Variants in HS3ST5 observed in about 807,000 individuals in gnomAD.
HS3ST5 encodes heparan sulfate glucosamine 3-O-sulfotransferase 5.
In HS3ST5, 10 loss-of-function variants were observed where a neutral mutation model predicts 25.4. That is an observed-to-expected ratio of 0.39 (90% CI 0.24 to 0.67). The LOEUF is 0.67. Ranked by LOEUF, HS3ST5 falls within the 30% of genes least tolerant of loss-of-function variation. The probability of loss-of-function intolerance (pLI) is 0.44; values close to 1 mark genes in which losing one functional copy is unlikely to be tolerated. For synonymous variants in HS3ST5, 170 were observed against 162.4 expected (o/e 1.05, Z -0.36); for missense variants, 324 against 420.7 (o/e 0.77, Z 2.01).
In HS3ST5 at chr6:114,057,178, A is replaced by C. The variant is rs749073630; in HGVS notation, c.*79T>G. 9.9e-7 allele frequency: 1 copy of C among 1,011,202 alleles called. No individual in the cohort carries two copies. Among genetic ancestry groups the C allele is most frequent in the Non-Finnish European group, 1.5e-6 (1 of 670,750 alleles). The allele number at this position is 1,011,202 out of a possible 1,614,324, so 62.6% of individuals were successfully genotyped here. A position where few individuals can be genotyped will look rare whatever the true frequency, so the allele number is the denominator to read the frequency against. On this transcript the variant is annotated 3_prime_UTR_variant, in exon 5 of 5. Coordinates refer to ENST00000312719, the MANE Select transcript of HS3ST5 (RefSeq NM_153612.4). ...AAAAATGACTTGGATAGCTCTGCCTAGGAAAAGTGCATATTTTAATCTACA... is the reference window on the plus strand; with the variant it reads ...AAAAATGACTTGGATAGCTCTGCCTCGGAAAAGTGCATATTTTAATCTACA...
chr6:114,142,017 C>T (rs1359607506), intron 3 of HS3ST5, among the ~76,000 whole-genome samples: 1 of 151,948 alleles, frequency 6.6e-6, no homozygotes, highest in East Asian at 1.9e-4. Flanking sequence ...TCATTTCCTA[C>T]AGCTGGTTGT....
At chr6:114,281,940 A>G (rs1275014308) in intron 1 of HS3ST5, 5 of 152,020 alleles carry the variant, frequency 3.3e-5, no homozygotes, top group African/African-American at 1.2e-4. Flanking sequence ...CAAGGTGCTG[A>G]TGAGTCTTGG....
At chr6:114,127,076 C>A (rs539844853) in intron 3 of HS3ST5, among the ~76,000 whole-genome samples, 2 of 151,938 alleles carry the variant, frequency 1.3e-5, no homozygotes, top group Admixed American at 6.6e-5. Context: ...TTTAGTCCTG[C>A]GAGTTCTCCA....
intron 2 of HS3ST5, among the ~76,000 whole-genome samples, chr6:114,198,223 G>A (rs1350054425): frequency 2.0e-5 from 3 of 151,888 alleles, no homozygotes; most frequent in African/African-American, 4.8e-5. Context: ...AATCAACCCA[G>A]TCAGACAAAA....
chr6:114,313,338 C>A (rs1225552451), intron 1 of HS3ST5, among the ~76,000 whole-genome samples: 1 of 152,082 alleles, frequency 6.6e-6, no homozygotes, highest in Non-Finnish European at 1.5e-5. Flanking sequence ...CAGTCCTAGG[C>A]ACTTGCTTAC....
In HS3ST5 at chr6:114,342,597, G is replaced by C. The variant is rs939270179; in HGVS notation, c.-741C>G. 1.3e-5 allele frequency: 2 copies of C among 154,066 alleles called. No individual in the cohort carries two copies. Among genetic ancestry groups the C allele is most frequent in the Non-Finnish European group, 2.9e-5 (2 of 69,136 alleles). 9.5% of individuals were successfully genotyped at this position (154,066 alleles called of 1,614,324 possible). On this transcript the variant is annotated 5_prime_UTR_variant, in exon 1 of 5. Coordinates refer to ENST00000312719, the MANE Select transcript of HS3ST5 (RefSeq NM_153612.4). ...GGGCACGGCACGGGCGGCCGCAGGAGCCGGAGTCCGCGCAGTGCCGGAGAC... is the reference window on the plus strand; with the variant it reads ...GGGCACGGCACGGGCGGCCGCAGGACCCGGAGTCCGCGCAGTGCCGGAGAC...
intron 2 of HS3ST5, among the ~76,000 whole-genome samples, chr6:114,181,225 C>T (rs1002375706): frequency 2.6e-5 from 4 of 152,104 alleles, no homozygotes; most frequent in Non-Finnish European, 4.4e-5. Flanking sequence ...AACTTGAATC[C>T]GATCCCTCTT....
chr6:114,202,092 T>C (rs1299279800), intron 2 of HS3ST5, among the ~76,000 whole-genome samples: 1 of 151,902 alleles, frequency 6.6e-6, no homozygotes, highest in Admixed American at 6.6e-5. Context: ...GACCACCCTA[T>C]TTAAAACTGC....
chr6:114,240,702 A>G (rs1772074684), intron 1 of HS3ST5, among the ~76,000 whole-genome samples: 1 of 152,208 alleles, frequency 6.6e-6, no homozygotes, highest in South Asian at 2.1e-4. Context: ...AGTGTCTAGT[A>G]TGAAAACACA....
intron 3 of HS3ST5, among the ~76,000 whole-genome samples, chr6:114,167,834 G>T (rs1339871763): frequency 6.6e-6 from 1 of 152,170 alleles, no homozygotes; most frequent in South Asian, 2.1e-4. Context: ...CAGAAGTCTG[G>T]AAGAAAGGAA....
intron 3 of HS3ST5, chr6:114,131,081 A>G (rs1360606437): frequency 6.6e-6 from 1 of 152,168 alleles, no homozygotes; most frequent in Non-Finnish European, 1.5e-5. Context: ...TTTGCACTCA[A>G]ATGTTTCACA....
chr6:114,133,339 G>A (rs1190839538), intron 3 of HS3ST5, among the ~76,000 whole-genome samples: 1 of 152,202 alleles, frequency 6.6e-6, no homozygotes, highest in East Asian at 1.9e-4. Context: ...TGACCCCACT[G>A]TTCCTCAGAG....
At chr6:114,221,279 C>T (rs1782018552) in intron 2 of HS3ST5, among the ~76,000 whole-genome samples, 1 of 151,866 alleles carries the variant, frequency 6.6e-6, no homozygotes, top group African/African-American at 2.4e-5. Context: ...TAATTACCTA[C>T]ATTTTTAATA....
At position 114,295,311 on chromosome 6, in the gene HS3ST5, C is replaced by A. The variant is rs74392517; in HGVS notation, c.-339+46884G>T. ...TTGTCTATGAAGTAATAATAAATGT[C>A]TTTTAAGTGAGTAGGCATTGATAGC... is the stretch of plus-strand genomic sequence containing the variant. On this transcript the variant is annotated intron_variant, in intron 1 of 4. Coordinates refer to ENST00000312719, the MANE Select transcript of HS3ST5 (RefSeq NM_153612.4). Among the ~76,000 whole-genome samples, 1,516 of 152,292 alleles carry A rather than the reference C, an allele frequency of 1.0e-2. 16 individuals carry two copies. Among genetic ancestry groups the A allele is most frequent in the Admixed American group, 0.015 (223 of 15,294 alleles).
chr6:114,181,871 T>G (rs750698578), intron 2 of HS3ST5, among the ~76,000 whole-genome samples: 7 of 143,438 alleles, frequency 4.9e-5, no homozygotes, highest in Non-Finnish European at 1.1e-4. Context: ...TAGGGAAGTG[T>G]GTGTATGTGA....
intron 2 of HS3ST5, among the ~76,000 whole-genome samples, chr6:114,215,326 G>A (rs1221107397): frequency 6.6e-6 from 1 of 151,852 alleles, no homozygotes; most frequent in Non-Finnish European, 1.5e-5. Context: ...AAACAAACAA[G>A]AAACAACAGC....
At chr6:114,069,876 T>C (rs575764726) in intron 3 of HS3ST5, among the ~76,000 whole-genome samples, 1 of 152,256 alleles carries the variant, frequency 6.6e-6, no homozygotes, top group East Asian at 1.9e-4. Context: ...CAGATGGTTA[T>C]ATGTTATCTT....
At chr6:114,122,523 T>C (rs1776844498) in intron 3 of HS3ST5, among the ~76,000 whole-genome samples, 1 of 152,234 alleles carries the variant, frequency 6.6e-6, no homozygotes, top group South Asian at 2.1e-4. Flanking sequence ...GGGTGGTAGA[T>C]TACATTTAGT....
At chr6:114,325,684 G>C (rs1776145531) in intron 1 of HS3ST5, among the ~76,000 whole-genome samples, 1 of 151,844 alleles carries the variant, frequency 6.6e-6, no homozygotes, top group South Asian at 2.1e-4. Context: ...AAACAAAAAG[G>C]GAAAAACAAA....
Sources: allele counts gnomAD v4.1 joint callset (sites outside exome capture counted in the v4.1 genomes callset), GRCh38; gene constraint gnomAD v4.1.1; transcripts MANE v1.5; gene names NCBI Gene and HGNC (gene_info 2026-07-23, HGNC 2026-07-21).